The following IFIH1 variants were observed in gnomAD, a reference collection of about 807,000 sequenced individuals.
IFIH1 encodes interferon-induced helicase C domain-containing protein 1.
Under a neutral mutation model 107.4 loss-of-function variants are expected in IFIH1, and 125 were observed. That is an observed-to-expected ratio of 1.16 (90% CI 1.01 to 1.35). The LOEUF (loss-of-function observed/expected upper bound fraction) is 1.35. Among genes scored for constraint, IFIH1 ranks in the 40% most tolerant of loss-of-function variants. The pLI is 0.00. For synonymous variants in IFIH1, 458 were observed against 413.2 expected (o/e 1.11, Z -1.31); for missense variants, 1,333 against 1,213.7 (o/e 1.10, Z -1.46).
At chr2:162,309,448 T>C (rs1683352406) in intron 2 of IFIH1, among the ~76,000 whole-genome samples, 1 of 152,238 alleles carries the variant, frequency 6.6e-6, no homozygotes, top group Non-Finnish European at 1.5e-5. Context: ...CATTCTTTCC[T>C]TTCCCTGAAG....
intron 5 of IFIH1, among the ~76,000 whole-genome samples, chr2:162,284,504 A>T (rs7580040): frequency 1.3e-5 from 2 of 151,980 alleles, no homozygotes; most frequent in African/African-American, 4.8e-5. Context: ...ATATTTCACC[A>T]ATCCTTTTAT....
chr2:162,269,115 T>G (rs971212256), intron 13 of IFIH1, among the ~76,000 whole-genome samples: 1 of 152,222 alleles, frequency 6.6e-6, no homozygotes, highest in African/African-American at 2.4e-5. Flanking sequence ...TCATTCAGTG[T>G]CCATTTTTCC....
rs376806735 is a variant in IFIH1 at position 162,276,684 on chromosome 2, T to C, written c.2304+3A>G. 3.9e-4 allele frequency: 619 copies of C among 1,606,460 alleles called. No individual in the cohort carries two copies. Among genetic ancestry groups the C allele is most frequent in the Admixed American group, 1.0e-3 (60 of 58,024 alleles). ...AAGAAGTCGTCCAAAAGGATATTTA[T>C]ACCTGTGTCATGGGTTTGAACTCAC... On this transcript the variant is annotated splice_donor_region_variant and intron_variant, in intron 11 of 15. Coordinates refer to ENST00000649979, the MANE Select transcript of IFIH1 (RefSeq NM_022168.4).
Position 162,274,370 on chromosome 2 carries a change from T to G in IFIH1, c.2305-426A>C, listed in dbSNP as rs532867664. On this transcript the variant is annotated intron_variant, in intron 11 of 15. Coordinates refer to ENST00000649979, the MANE Select transcript of IFIH1 (RefSeq NM_022168.4). Reference sequence around the variant, plus strand: ...ATGCAGAGATGCTTTGATATATTGTTTTCAGTCACAGAGAAAATGCACACT... The same window carrying G: ...ATGCAGAGATGCTTTGATATATTGTGTTCAGTCACAGAGAAAATGCACACT... 2.6e-5 allele frequency among the ~76,000 whole-genome samples: 4 copies of G among 152,308 alleles called. No individual in the cohort carries two copies. In the South Asian group the frequency reaches 8.3e-4, roughly 32 times the overall value.
rs557887207 is a variant in IFIH1 at position 162,277,158 on chromosome 2, C to T, written c.2045-212G>A. Among the ~76,000 whole-genome samples the T allele has an allele frequency of 3.5e-4, 54 of 152,166 alleles. 1 individual carries two copies. The highest frequency in any genetic ancestry group is 9.1e-4 in the African/African-American group (38 of 41,532). ...GAATTGTGGCTCATCTACAATCTTG[C>T]GCTATATCTAATAATTAGGATGGTT... On this transcript the variant is annotated intron_variant, in intron 10 of 15. Coordinates refer to ENST00000649979, the MANE Select transcript of IFIH1 (RefSeq NM_022168.4).
At position 162,318,380 on chromosome 2, in the gene IFIH1, G is replaced by T; in HGVS notation, c.-73C>A. 8.1e-7 allele frequency: 1 copy of T among 1,241,716 alleles called. No homozygotes were observed. The highest frequency in any genetic ancestry group is 1.2e-6 in the Non-Finnish European group (1 of 863,710). The allele number at this position is 1,241,716 out of a possible 1,614,324, so 76.9% of individuals were successfully genotyped here. A position where few individuals can be genotyped will look rare whatever the true frequency, so the allele number is the denominator to read the frequency against. On this transcript the variant is annotated 5_prime_UTR_variant, in exon 1 of 16. Coordinates refer to ENST00000649979, the MANE Select transcript of IFIH1 (RefSeq NM_022168.4). ...GTTGTCTGCGGGACAGGTGAAATGT[G>T]CGTGCCGCTGTCCGCTGCCCACTTA...
At chr2:162,296,457 C>CT (rs1158292163) in intron 3 of IFIH1, among the ~76,000 whole-genome samples, 29 of 152,122 alleles carry the variant, frequency 1.9e-4, no homozygotes, top group African/African-American at 6.7e-4. Context: ...GGTGAGAAAC[C>CT]AAGGCGCTGA....
At position 162,276,912 on chromosome 2, in the gene IFIH1, G is replaced by T; in HGVS notation, c.2079C>A (p.Asn693Lys). Residue 693 changes from asparagine to lysine, a missense_variant, in exon 11 of 16, where the codon AAC becomes AAA. Physicochemically the swap from Asn to Lys is moderately conservative, Grantham distance 94. Transcript: ENST00000649979. ...NNKMLKRLAE[N>K]PEYENEKLTK... ...TCAGCTTTTCATTTTCATATTCTGG[G>T]TTTTCAGCCAGCCTTTTCAACATTT... 6.2e-7 allele frequency: 1 copy of T among 1,608,880 alleles called. No homozygotes were observed. Among genetic ancestry groups the T allele is most frequent in the South Asian group, 1.1e-5 (1 of 89,466 alleles).
intron 11 of IFIH1, among the ~76,000 whole-genome samples, chr2:162,276,375 G>T (rs1691155189): frequency 6.6e-6 from 1 of 152,206 alleles, no homozygotes; most frequent in Non-Finnish European, 1.5e-5. Flanking sequence ...GGCAGAGGCA[G>T]AAGGATGGCT....
chr2:162,314,424 C>CTTTCTTTCTTTCTTTCTT (rs1683444087), intron 1 of IFIH1, among the ~76,000 whole-genome samples: 1 of 60,986 alleles, frequency 1.6e-5, no homozygotes, highest in African/African-American at 9.8e-5. Flanking sequence ...TCTTTTCTTT[C>CTTTCTTTCTTTCTTTCTT]TTTCTTTCTT....
rs749829594 is a variant in IFIH1 at position 162,317,856 on chromosome 2, C to A, written c.452G>T (p.Arg151Leu). 3.8e-6 allele frequency: 6 copies of A among 1,567,726 alleles called. No homozygotes were observed. The African/African-American group carries it at 8.2e-5, about 21-fold the overall frequency. The stretch of plus-strand genomic sequence containing the variant: ...AGCTCCATCTGAACAGACACCTACC[C>A]GGTTTCTGTCTTCAATTGTCAACAG... Reference protein sequence around the residue: ...EELLTIEDRNRIAAAENNGNE... With the variant: ...EELLTIEDRNLIAAAENNGNE... The change falls in exon 1 of 16, where the codon CGG becomes CTG. Residue 151 changes from arginine (R) to leucine (L), a missense_variant and splice_region_variant. Transcript: ENST00000649979.
At chr2:162,271,832 G>A (rs1414842964) in intron 13 of IFIH1, among the ~76,000 whole-genome samples, 1 of 152,224 alleles carries the variant, frequency 6.6e-6, no homozygotes, top group African/African-American at 2.4e-5. Flanking sequence ...TCTGTTGGCT[G>A]TTCCTATAAG....
Position 162,318,056 on chromosome 2 carries a change from C to T in IFIH1, c.252G>A (p.Arg84=). The change falls in exon 1 of 16, where the codon CGG becomes CGA. Residue 84 remains arginine (R), a synonymous_variant. Coordinates refer to ENST00000649979, the MANE Select transcript of IFIH1 (RefSeq NM_022168.4). The part of the protein sequence containing the change: ...GWTREFVEAL[R]RTGSPLAARY... ...GGGCGGCCAGAGGGCTGCCGGTTCT[C>T]CGGAGGGCCTCCACGAATTCCCGAG... 6.2e-7 allele frequency: 1 copy of T among 1,614,152 alleles called. No individual in the cohort carries two copies. Among genetic ancestry groups the T allele is most frequent in the South Asian group, 1.1e-5 (1 of 91,080 alleles).
intron 13 of IFIH1, among the ~76,000 whole-genome samples, chr2:162,269,787 A>G (rs1307986563): frequency 6.6e-6 from 1 of 152,204 alleles, no homozygotes; most frequent in African/African-American, 2.4e-5. Flanking sequence ...ATCTCCCTTC[A>G]AGGCAGCCAT....
chr2:162,280,228 T>C (rs1248866011), intron 7 of IFIH1, 116 bp from the exon 8 acceptor site: 2 of 643,470 alleles, frequency 3.1e-6, no homozygotes, highest in African/African-American at 3.7e-5. Flanking sequence ...CATAAATATG[T>C]GGTATAAAAT....
chr2:162,275,133 A>G (rs1576223388), intron 11 of IFIH1, among the ~76,000 whole-genome samples: 2 of 152,334 alleles, frequency 1.3e-5, no homozygotes. Context: ...ATAGATGCCT[A>G]ACACCATTGC....
chr2:162,273,902 T>A lies in IFIH1; in HGVS notation c.2347A>T (p.Ile783Leu), dbSNP rs772645488. The A allele has an allele frequency of 6.2e-7, 1 of 1,609,344 alleles. No homozygotes were observed. Among genetic ancestry groups the A allele is most frequent in the Non-Finnish European group, 8.5e-7 (1 of 1,176,656 alleles). The change falls in exon 12 of 16, where the codon ATA becomes TTA. Residue 783 changes from isoleucine to leucine, a missense_variant. Coordinates refer to ENST00000649979, the MANE Select transcript of IFIH1 (RefSeq NM_022168.4). The part of the protein sequence containing the change: ...EVISKFRTGK[I>L]NLLIATTVAE... ...ACTGTGGTAGCGATAAGCAGATTTA[T>A]TTTTCCAGTGCGAAATTTACTAATG...
Position 162,318,450 on chromosome 2 carries a change from TC to T in IFIH1, c.-144del. 1.4e-6 allele frequency: 1 copy of T among 699,604 alleles called. No individual in the cohort carries two copies. The highest frequency in any genetic ancestry group is 2.4e-6 in the Non-Finnish European group (1 of 422,006). 43.3% of individuals were successfully genotyped at this position (699,604 alleles called of 1,614,324 possible). ...TCTGTGCCTGACAATGACGAGGTTG[TC>T]CACAGGGCTCTCAGGCCGGCGCGCG... On this transcript the variant is annotated 5_prime_UTR_variant, in exon 1 of 16. Coordinates refer to ENST00000649979, the MANE Select transcript of IFIH1 (RefSeq NM_022168.4).
chr2:162,287,565 A>G (rs893913125), intron 5 of IFIH1, among the ~76,000 whole-genome samples: 3 of 151,746 alleles, frequency 2.0e-5, no homozygotes, highest in Non-Finnish European at 2.9e-5. Flanking sequence ...TATATTTTAT[A>G]TATATATATG....
Sources: allele counts gnomAD v4.1 joint callset (sites outside exome capture counted in the v4.1 genomes callset), GRCh38; gene constraint gnomAD v4.1.1; transcripts MANE v1.5; gene names NCBI Gene and HGNC (gene_info 2026-07-23, HGNC 2026-07-21).